Variants in LAMA2 observed in about 807,000 individuals in gnomAD.
The protein encoded by LAMA2 is laminin subunit alpha 2.
A neutral mutation model predicts 364.8 loss-of-function variants in LAMA2; 269 were observed. That is an observed-to-expected ratio of 0.74 (90% CI 0.67 to 0.82). LAMA2 has a LOEUF of 0.82. Ranked by LOEUF, LAMA2 falls within the 40% of genes least tolerant of loss-of-function variation. LAMA2 has a pLI of 0.00. For synonymous variants in LAMA2, 1,379 were observed against 1,370.6 expected (o/e 1.01, Z -0.14); for missense variants, 3,807 against 3,873.2 (o/e 0.98, Z 0.45).
intron 41 of LAMA2, chr6:129,436,748 A>G (rs1464171665): frequency 1.3e-5 from 2 of 152,152 alleles, no homozygotes; most frequent in Non-Finnish European, 2.9e-5. Flanking sequence ...AAGAAATGAC[A>G]TCTTACTGTT....
At chr6:129,407,227 C>T (rs1397556588) in intron 40 of LAMA2, among the ~76,000 whole-genome samples, 1 of 152,130 alleles carries the variant, frequency 6.6e-6, no homozygotes, top group Non-Finnish European at 1.5e-5. Flanking sequence ...CAATACTTTG[C>T]ATCGTTCAAT....
chr6:129,388,815 A>G (rs772931612), intron 35 of LAMA2, among the ~76,000 whole-genome samples: 4 of 152,232 alleles, frequency 2.6e-5, no homozygotes, highest in Non-Finnish European at 5.9e-5. Flanking sequence ...GTAGTTACTT[A>G]CATGCTACAA....
chr6:129,185,661 A>C (rs913658553), intron 10 of LAMA2, among the ~76,000 whole-genome samples: 1 of 148,998 alleles, frequency 6.7e-6, no homozygotes, highest in African/African-American at 2.4e-5. Context: ...ATTATGAAAA[A>C]ATGACTATAT....
At chr6:129,325,916 T>C (rs1369607885) in intron 28 of LAMA2, among the ~76,000 whole-genome samples, 1 of 152,178 alleles carries the variant, frequency 6.6e-6, no homozygotes, top group Non-Finnish European at 1.5e-5. Context: ...CTCAGCTTAC[T>C]GCAACCTCCA....
At chr6:129,240,958 T>C (rs1210661929) in intron 12 of LAMA2, among the ~76,000 whole-genome samples, 1 of 152,242 alleles carries the variant, frequency 6.6e-6, no homozygotes, top group Non-Finnish European at 1.5e-5. Context: ...TTAAAACAAA[T>C]GCATTTGTGG....
intron 32 of LAMA2, among the ~76,000 whole-genome samples, chr6:129,364,052 T>C (rs1468977857): frequency 6.6e-6 from 1 of 152,170 alleles, no homozygotes; most frequent in Non-Finnish European, 1.5e-5. Context: ...TTCATTCAGC[T>C]TGTGAAGCAT....
chr6:129,450,857 T>G (rs1782640977), intron 45 of LAMA2, among the ~76,000 whole-genome samples: 2 of 152,226 alleles, frequency 1.3e-5, no homozygotes, highest in Non-Finnish European at 1.5e-5. Context: ...TTGTTCACTT[T>G]GATCCTCTTA....
In LAMA2 at chr6:129,328,411, A is replaced by T. The variant is rs1775433342; in HGVS notation, c.4310A>T (p.Gln1437Leu). ...TGTGACCCTGAAACATCGATATGCC[A>T]GGTAGTCCTCTGAGCCTTCCTTGAA... Reference protein sequence around the residue: ...SLCDPETSICQNCQHHTAGDF... With the variant: ...SLCDPETSICLNCQHHTAGDF... The change falls in exon 29 of 65, where the codon CAG becomes CTG. Residue 1437 changes from glutamine (Q) to leucine (L), a missense_variant and splice_region_variant. Around this residue, in one of 3 missense-constraint regions of LAMA2, gnomAD observed 3,333 missense variants for 3,345.7 expected, o/e 1.00. Transcript: ENST00000421865. The T allele has an allele frequency of 1.2e-6, 2 of 1,614,176 alleles. No homozygotes were observed. Among genetic ancestry groups the T allele is most frequent in the Non-Finnish European group, 8.5e-7 (1 of 1,180,026 alleles).
chr6:129,418,351 T>C (rs1780905031), intron 40 of LAMA2, among the ~76,000 whole-genome samples: 1 of 152,012 alleles, frequency 6.6e-6, no homozygotes, highest in South Asian at 2.1e-4. Flanking sequence ...TATCTAGATA[T>C]GCCTGGTGGA....
chr6:128,915,673 G>A (rs953908473), intron 1 of LAMA2, among the ~76,000 whole-genome samples: 2 of 152,128 alleles, frequency 1.3e-5, no homozygotes, highest in African/African-American at 4.8e-5. Flanking sequence ...CACTCGATGG[G>A]AGTATTACTT....
At chr6:129,180,277 A>G (rs1780851806) in intron 10 of LAMA2, among the ~76,000 whole-genome samples, 1 of 152,144 alleles carries the variant, frequency 6.6e-6, no homozygotes, top group Admixed American at 6.6e-5. Flanking sequence ...AAGGGGAAGA[A>G]TATATACATA....
In LAMA2 at chr6:129,267,128, G is replaced by C; in HGVS notation, c.2231G>C (p.Arg744Pro). The C allele has an allele frequency of 6.2e-7, 1 of 1,612,744 alleles. No individual in the cohort carries two copies. The change falls in exon 16 of 65, where the codon CGA becomes CCA. Residue 744 changes from arginine to proline, a missense_variant. Transcript: ENST00000421865. ...SCESCWPRHRRVNGTIFGGIC... is the reference protein window; with the variant it reads ...SCESCWPRHRPVNGTIFGGIC... ...CAGTCTTGTTGGCCTAGGCACAGGC[G>C]AGTTAACGGCACTATTTTTGGTGGC...
At chr6:129,210,280 C>T (rs1236255650) in intron 12 of LAMA2, among the ~76,000 whole-genome samples, 1 of 152,086 alleles carries the variant, frequency 6.6e-6, no homozygotes, top group African/African-American at 2.4e-5. Flanking sequence ...GATTGACTTT[C>T]TTATCCAATA....
intron 43 of LAMA2, among the ~76,000 whole-genome samples, chr6:129,441,347 G>A (rs60430895): frequency 0.026 from 3,908 of 152,232 alleles, 168 homozygotes; most frequent in African/African-American, 0.089. Context: ...CAGAACTGGC[G>A]AAGTGTCATG....
At chr6:128,957,278 C>A (rs1226298987) in intron 1 of LAMA2, among the ~76,000 whole-genome samples, 1 of 152,030 alleles carries the variant, frequency 6.6e-6, no homozygotes, top group Admixed American at 6.6e-5. Flanking sequence ...AATTTATAAA[C>A]CACTAAATCT....
intron 12 of LAMA2, among the ~76,000 whole-genome samples, chr6:129,214,627 C>T (rs1266108269): frequency 6.6e-6 from 1 of 152,166 alleles, no homozygotes; most frequent in Non-Finnish European, 1.5e-5. Context: ...CTATTCTGTT[C>T]CATTGATCTA....
chr6:129,227,677 G>T (rs200257353), intron 12 of LAMA2, among the ~76,000 whole-genome samples: 2 of 152,126 alleles, frequency 1.3e-5, no homozygotes, highest in Non-Finnish European at 2.9e-5. Context: ...CCGCCTGATC[G>T]TTCCTCTGGA....
chr6:129,206,083 AGG>A (rs61306505), intron 12 of LAMA2, among the ~76,000 whole-genome samples: 11 of 102,034 alleles, frequency 1.1e-4, no homozygotes, highest in African/African-American at 1.9e-4. Context: ...AAAGGAAAGG[AGG>A]AAGGAAGGGA....
intron 11 of LAMA2, among the ~76,000 whole-genome samples, chr6:129,192,136 T>C (rs143163926): frequency 1.1e-3 from 169 of 152,306 alleles, no homozygotes; most frequent in African/African-American, 3.8e-3. Context: ...AGCCTCAAAG[T>C]AGAAATTTTA....
Sources: gnomAD v4.1 joint callset for allele counts (sites outside exome capture counted in the v4.1 genomes callset) on GRCh38, gnomAD v4.1.1 for gene constraint, gnomAD v4.1.1 regional missense constraint, MANE v1.5 for transcripts, NCBI Gene and HGNC (gene_info 2026-07-23, HGNC 2026-07-21) for gene names.